The following CCSER1 variants were observed in gnomAD, a reference collection of about 807,000 sequenced individuals.
CCSER1 encodes coiled-coil serine rich protein 1.
CCSER1 carries 41 observed loss-of-function variants against 82.0 expected under a neutral mutation model. The observed-to-expected ratio is 0.50, with a 90% confidence interval of 0.39 to 0.65. The LOEUF is 0.65. CCSER1 is among the 30% of genes least tolerant of loss of function. CCSER1 has a pLI of 0.00. For missense variants in CCSER1, 1,119 were observed against 1,064.2 expected, an observed-to-expected ratio of 1.05 and a Z score of -0.72; for synonymous variants, 414 against 383.9, an observed-to-expected ratio of 1.08 and a Z score of -0.92.
intron 10 of CCSER1, among the ~76,000 whole-genome samples, chr4:91,141,022 G>A (rs1295454899): frequency 1.3e-5 from 2 of 151,978 alleles, no homozygotes; most frequent in Non-Finnish European, 2.9e-5. Flanking sequence ...GGTCATGTAT[G>A]TCCAATGTTT....
rs535313833 is a variant in CCSER1, at chr4:91,130,999, T to C, written c.2217+45005T>C. ...TATTTATAAAAATAATAAAAACATA[T>C]AATTCATGTGGATCTGTATATGTTT... is the stretch of plus-strand genomic sequence containing the variant. On this transcript the variant is annotated intron_variant, in intron 10 of 10. Transcript: ENST00000509176. 3.3e-5 allele frequency among the ~76,000 whole-genome samples: 5 copies of C among 151,888 alleles called. No homozygotes were observed. In the South Asian group the frequency reaches 1.0e-3, roughly 31 times the overall value.
At chr4:91,490,353 A>G (rs1758450586) in intron 10 of CCSER1, among the ~76,000 whole-genome samples, 1 of 152,188 alleles carries the variant, frequency 6.6e-6, no homozygotes. Flanking sequence ...ATGTTCATCA[A>G]CAGATGGATG....
At chr4:90,645,472 A>G (rs756997729) in intron 6 of CCSER1, among the ~76,000 whole-genome samples, 15 of 152,214 alleles carry the variant, frequency 9.9e-5, no homozygotes, top group Non-Finnish European at 2.2e-4. Context: ...ATAGTCTTCA[A>G]GGTGACATTT....
At chr4:91,308,908 T>C (rs1450791619) in intron 10 of CCSER1, among the ~76,000 whole-genome samples, 6 of 151,998 alleles carry the variant, frequency 3.9e-5, no homozygotes, top group African/African-American at 9.7e-5. Flanking sequence ...TTAAGTTTAC[T>C]TCTTAATAAA....
At chr4:91,432,152 G>A (rs984775069) in intron 10 of CCSER1, among the ~76,000 whole-genome samples, 1 of 152,092 alleles carries the variant, frequency 6.6e-6, no homozygotes, top group African/African-American at 2.4e-5. Flanking sequence ...GAAGGTTCTT[G>A]CTTCTTCTTT....
intron 10 of CCSER1, among the ~76,000 whole-genome samples, chr4:91,319,416 T>C (rs1327691913): frequency 6.6e-6 from 1 of 151,994 alleles, no homozygotes; most frequent in African/African-American, 2.4e-5. Context: ...ACATGTGCTA[T>C]TGTTTCCAAA....
At chr4:90,533,501 C>G (rs1171608266) in intron 5 of CCSER1, among the ~76,000 whole-genome samples, 1 of 152,218 alleles carries the variant, frequency 6.6e-6, no homozygotes, top group Admixed American at 6.5e-5. Context: ...CTTCTGCTCT[C>G]TTTGCATAAT....
intron 10 of CCSER1, among the ~76,000 whole-genome samples, chr4:91,468,117 G>C (rs1757035767): frequency 6.6e-6 from 1 of 152,186 alleles, no homozygotes; most frequent in Non-Finnish European, 1.5e-5. Context: ...GTCCAACAGT[G>C]ATAGACTGGA....
At chr4:90,548,727 G>GATATATATATATATATAT (rs60880201) in intron 5 of CCSER1, among the ~76,000 whole-genome samples, 1 of 143,612 alleles carries the variant, frequency 7.0e-6, no homozygotes, top group African/African-American at 2.5e-5. Context: ...ATCATTTAAA[G>GATATATATATATATATAT]ATATATATAT....
At chr4:90,844,491 C>A (rs78416641) in intron 8 of CCSER1, among the ~76,000 whole-genome samples, 5,464 of 152,196 alleles carry the variant, frequency 0.036, 142 homozygotes, top group Non-Finnish European at 0.055. Context: ...ACAGAGCATG[C>A]TTCTTCCTTA....
At chr4:90,642,896 T>C (rs201660591) in intron 6 of CCSER1, among the ~76,000 whole-genome samples, 19,272 of 131,532 alleles carry the variant, frequency 0.15, 1,595 homozygotes, top group East Asian at 0.4. Flanking sequence ...ATTTTCTGTT[T>C]TTTTTTTTTT....
chr4:91,245,244 A>G (rs984407792), intron 10 of CCSER1, among the ~76,000 whole-genome samples: 15 of 152,208 alleles, frequency 9.9e-5, no homozygotes, highest in Admixed American at 9.8e-4. Flanking sequence ...GGATAATAAC[A>G]GAGAACTTTT....
intron 10 of CCSER1, among the ~76,000 whole-genome samples, chr4:91,283,530 C>A (rs969081538): frequency 1.3e-5 from 2 of 152,106 alleles, no homozygotes; most frequent in Non-Finnish European, 2.9e-5. Flanking sequence ...TTCTACTTTT[C>A]ACAAAACTTC....
At chr4:91,009,029 G>GGGAGCGGCAATGGGTGCCTCCCCGGATCA (rs1738768809) in intron 9 of CCSER1, among the ~76,000 whole-genome samples, 11 of 152,190 alleles carry the variant, frequency 7.2e-5, no homozygotes, top group Admixed American at 7.2e-4. Context: ...TAGCCTGATC[G>GGGAGCGGCAATGGGTGCCTCCCCGGATCA]GGAGCGGCAA....
intron 1 of CCSER1, among the ~76,000 whole-genome samples, chr4:90,228,886 G>C (rs899970722): frequency 1.3e-5 from 2 of 152,146 alleles, no homozygotes; most frequent in Admixed American, 1.3e-4. Flanking sequence ...GGAAGATGAA[G>C]TGAATGAAAT....
chr4:91,129,215 G>A (rs1727786307), intron 10 of CCSER1, among the ~76,000 whole-genome samples: 1 of 151,860 alleles, frequency 6.6e-6, no homozygotes, highest in South Asian at 2.1e-4. Context: ...AGTTTGCTGA[G>A]GATACTGGCA....
intron 4 of CCSER1, among the ~76,000 whole-genome samples, chr4:90,418,606 C>G (rs150168457): frequency 6.6e-6 from 1 of 152,060 alleles, no homozygotes; most frequent in East Asian, 1.9e-4. Flanking sequence ...CAGCTAGACT[C>G]AAACATGGTA....
chr4:90,262,184 C>T (rs10016078), intron 1 of CCSER1, among the ~76,000 whole-genome samples: 7,881 of 152,110 alleles, frequency 0.052, 547 homozygotes, highest in African/African-American at 0.16. Context: ...TGTCATATTA[C>T]AAATCCCTGT....
intron 9 of CCSER1, among the ~76,000 whole-genome samples, chr4:91,084,043 G>T (rs973003758): frequency 6.6e-6 from 1 of 152,034 alleles, no homozygotes; most frequent in African/African-American, 2.4e-5. Flanking sequence ...CTATTCTCCT[G>T]CCTCAGCCTC....
Sources: gnomAD v4.1 joint callset for allele counts (sites outside exome capture counted in the v4.1 genomes callset) on GRCh38, gnomAD v4.1.1 for gene constraint, MANE v1.5 for transcripts, NCBI Gene and HGNC (gene_info 2026-07-23, HGNC 2026-07-21) for gene names.